Variants in CAMSAP1 observed in about 807,000 individuals in gnomAD.
The protein encoded by CAMSAP1 is calmodulin regulated spectrin associated protein 1, also known as calmodulin-regulated spectrin-associated protein 1.
Under a neutral mutation model 143.5 loss-of-function variants are expected in CAMSAP1, and 58 were observed. The observed-to-expected ratio is 0.40, with a 90% CI of 0.33 to 0.50. CAMSAP1 has a LOEUF of 0.50. Ranked by LOEUF, CAMSAP1 falls within the 20% of genes least tolerant of loss-of-function variation. CAMSAP1 has a pLI of 0.45. For missense variants in CAMSAP1, 1,969 were observed against 2,115.7 expected, an observed-to-expected ratio of 0.93 and a Z score of 1.36; for synonymous variants, 945 against 859.3, an observed-to-expected ratio of 1.10 and a Z score of -1.74.
chr9:135,878,847 G>A (rs1235007288), intron 3 of CAMSAP1, among the ~76,000 whole-genome samples: 1 of 152,080 alleles, frequency 6.6e-6, no homozygotes, highest in Non-Finnish European at 1.5e-5. Context: ...CTAACGTAAG[G>A]AACTTAAATT....
intron 5 of CAMSAP1, among the ~76,000 whole-genome samples, chr9:135,852,995 T>C (rs150447058): frequency 6.6e-6 from 1 of 152,186 alleles, no homozygotes; most frequent in African/African-American, 2.4e-5. Context: ...GAGAGTCTGA[T>C]GAGAAACGTA....
Position 135,824,454 on chromosome 9 carries a change from T to C in CAMSAP1, c.1315+335A>G, listed in dbSNP as rs1352782421. Among the ~76,000 whole-genome samples the C allele has an allele frequency of 3.9e-5, 6 of 152,154 alleles. No homozygotes were observed. Among genetic ancestry groups the C allele is most frequent in the Non-Finnish European group, 8.8e-5 (6 of 68,032 alleles). ...GGCCGAGGTGGGCAGATCATGAGGC[T>C]AGGAGATCGAGACCATCCTGGCCGA... On this transcript the variant is annotated intron_variant, in intron 9 of 16. Transcript: ENST00000389532. The surrounding 1 kb of genome is among the most constrained non-coding windows in gnomAD (Gnocchi z 4.1).
chr9:135,812,640 A>G (rs1359769585), intron 16 of CAMSAP1, among the ~76,000 whole-genome samples: 1 of 152,208 alleles, frequency 6.6e-6, no homozygotes, highest in Non-Finnish European at 1.5e-5. Context: ...TATAACTTAA[A>G]AGGGTGAATT....
chr9:135,872,559 T>C (rs73559477), intron 3 of CAMSAP1, among the ~76,000 whole-genome samples: 2,777 of 152,332 alleles, frequency 0.018, 92 homozygotes, highest in African/African-American at 0.064. Context: ...TTAAACACTC[T>C]AAGAGATTGT....
Position 135,821,629 on chromosome 9 carries a change from A to G in CAMSAP1, c.3032T>C (p.Val1011Ala). The G allele has an allele frequency of 1.2e-6, 2 of 1,613,932 alleles. No individual in the cohort carries two copies. The highest frequency in any genetic ancestry group is 1.7e-6 in the Non-Finnish European group (2 of 1,179,872). The change falls in exon 11 of 17, where the codon GTT becomes GCT. Residue 1011 changes from valine to alanine, a missense_variant. This residue lies in a region of CAMSAP1 where 1,390 missense variants were observed against 1,420.8 expected (regional missense o/e 0.98). Coordinates refer to ENST00000389532, the MANE Select transcript of CAMSAP1 (RefSeq NM_015447.4). The surrounding 1 kb of genome is among the most constrained non-coding windows in gnomAD (Gnocchi z 4.6). Reference sequence around the variant, plus strand: ...TTCATTCACGTCGACAACCTCCCCAACAGTGTCCTCCAGGAGGGCAGCGGA... The same window carrying G: ...TTCATTCACGTCGACAACCTCCCCAGCAGTGTCCTCCAGGAGGGCAGCGGA... ...VISAALLEDT[V>A]GEVVDVNECD...
intron 1 of CAMSAP1, among the ~76,000 whole-genome samples, chr9:135,897,064 C>T (rs1372962585): frequency 6.6e-6 from 1 of 152,142 alleles, no homozygotes; most frequent in Non-Finnish European, 1.5e-5. Context: ...GTACAGCAGT[C>T]CCCTCTTATC....
At chr9:135,851,678 A>C (rs576965575) in intron 5 of CAMSAP1, among the ~76,000 whole-genome samples, 2 of 152,314 alleles carry the variant, frequency 1.3e-5, no homozygotes, top group Admixed American at 6.5e-5. Context: ...TCATGGTATC[A>C]AGCTATGCCT....
At chr9:135,816,349 C>G (rs998603893) in intron 14 of CAMSAP1, among the ~76,000 whole-genome samples, 1 of 152,156 alleles carries the variant, frequency 6.6e-6, no homozygotes, top group Non-Finnish European at 1.5e-5. Context: ...CTCAGGAAGC[C>G]AGAGGATGAA....
Position 135,818,795 on chromosome 9 carries a change from G to A in CAMSAP1, c.3960-179C>T. On this transcript the variant is annotated intron_variant, in intron 12 of 16. Coordinates refer to ENST00000389532, the MANE Select transcript of CAMSAP1 (RefSeq NM_015447.4). This position sits in a 1 kb window ranked among gnomAD's most constrained non-coding sequence, Gnocchi z 7.7. ...AAGGCAGTCCTGCAGATGACCCACCGAGGCCACACAGCCTCCCTGGCCACC... is the reference window on the plus strand; with the variant it reads ...AAGGCAGTCCTGCAGATGACCCACCAAGGCCACACAGCCTCCCTGGCCACC... The A allele has an allele frequency of 9.4e-6, 10 of 1,062,776 alleles. No homozygotes were observed. The highest frequency in any genetic ancestry group is 1.3e-5 in the Non-Finnish European group (10 of 751,950). 65.8% of individuals were successfully genotyped at this position (1,062,776 alleles called of 1,614,324 possible). A position where few individuals can be genotyped will look rare whatever the true frequency, so the allele number is the denominator to read the frequency against.
Position 135,821,937 on chromosome 9 carries a change from C to T in CAMSAP1, c.2724G>A (p.Leu908=), listed in dbSNP as rs768384216. 2 of 1,612,920 alleles carry T rather than the reference C, an allele frequency of 1.2e-6. No homozygotes were observed. The highest frequency in any genetic ancestry group is 1.3e-5 in the African/African-American group (1 of 74,996). The change falls in exon 11 of 17, where the codon CTG becomes CTA. Residue 908 remains leucine (L), a synonymous_variant. Transcript: ENST00000389532. This position sits in a 1 kb window ranked among gnomAD's most constrained non-coding sequence, Gnocchi z 4.6. ...KMEALSARQR[L]KLGKAAFLHV... is the part of the protein sequence containing the mutation. ...GCAGGAATGCAGCCTTGCCGAGCTT[C>T]AGGCGCTGCCTTGCCGACAGCGCCT...
At chr9:135,850,680 G>C (rs565204071) in intron 5 of CAMSAP1, among the ~76,000 whole-genome samples, 1 of 152,278 alleles carries the variant, frequency 6.6e-6, no homozygotes, top group Admixed American at 6.5e-5. Flanking sequence ...ATTTGATGGT[G>C]AACATCCAGA....
intron 7 of CAMSAP1, among the ~76,000 whole-genome samples, chr9:135,840,080 T>C (rs1178669703): frequency 6.6e-6 from 1 of 152,180 alleles, no homozygotes; most frequent in Non-Finnish European, 1.5e-5. Flanking sequence ...GCAAGGTAAC[T>C]ACAATGGACC....
At chr9:135,861,324 T>G (rs796768973) in intron 5 of CAMSAP1, among the ~76,000 whole-genome samples, 2 of 130,034 alleles carry the variant, frequency 1.5e-5, no homozygotes, top group Non-Finnish European at 3.2e-5. Flanking sequence ...TTTTTTTTTT[T>G]CCCCCCGAGA....
At position 135,889,146 on chromosome 9, in the gene CAMSAP1, C is replaced by T. The variant is rs184280082; in HGVS notation, c.161-6068G>A. Among the ~76,000 whole-genome samples the T allele has an allele frequency of 2.0e-5, 3 of 152,360 alleles. No homozygotes were observed. The East Asian group carries it at 5.8e-4, about 29-fold the overall frequency. On this transcript the variant is annotated intron_variant, in intron 1 of 16. Coordinates refer to ENST00000389532, the MANE Select transcript of CAMSAP1 (RefSeq NM_015447.4). Reference sequence around the variant, plus strand: ...CAGCCACTCTGAGGGCCACAGCCCACAGCCCAGCCAGAGCGGCAGGACGAA... The same window carrying T: ...CAGCCACTCTGAGGGCCACAGCCCATAGCCCAGCCAGAGCGGCAGGACGAA...
intron 1 of CAMSAP1, among the ~76,000 whole-genome samples, chr9:135,891,867 A>G (rs1286387095): frequency 6.6e-6 from 1 of 152,224 alleles, no homozygotes; most frequent in East Asian, 1.9e-4. Flanking sequence ...AACTAGAACG[A>G]AAATTTCAGG....
rs558877691 is a variant in CAMSAP1 at position 135,821,881 on chromosome 9, G to A, written c.2780C>T (p.Ala927Val). 8.1e-6 allele frequency: 13 copies of A among 1,614,010 alleles called. No homozygotes were observed. The Admixed American group carries it at 1.0e-4, about 12-fold the overall frequency. ...AAAGTGCTCCGGCCTGAGGGGTGGG[G>A]CAGCCTCGGCCTTGCCCTTCTTCAC... The part of the protein sequence containing the change: ...HVVKKGKAEA[A>V]PPLRPEHFAK... The change falls in exon 11 of 17, where the codon GCC (alanine) becomes GTC (valine). Residue 927 changes from alanine to valine, a missense_variant. Physicochemically the swap from Ala to Val is moderately conservative, Grantham distance 64. Coordinates refer to ENST00000389532, the MANE Select transcript of CAMSAP1 (RefSeq NM_015447.4). The surrounding 1 kb of genome is among the most constrained non-coding windows in gnomAD (Gnocchi z 4.6).
chr9:135,885,187 G>A (rs915716366), intron 1 of CAMSAP1, among the ~76,000 whole-genome samples: 3 of 152,080 alleles, frequency 2.0e-5, no homozygotes, highest in African/African-American at 7.2e-5. Flanking sequence ...ATTGGAAGGG[G>A]CACTTCCTAT....
intron 1 of CAMSAP1, among the ~76,000 whole-genome samples, chr9:135,899,665 G>A (rs1209100370): frequency 2.0e-5 from 3 of 152,026 alleles, no homozygotes; most frequent in Non-Finnish European, 4.4e-5. Context: ...TTCCAACTCT[G>A]CAGCCACTAC....
chr9:135,902,532 G>A (rs545820427), intron 1 of CAMSAP1, among the ~76,000 whole-genome samples: 2 of 152,316 alleles, frequency 1.3e-5, no homozygotes, highest in Admixed American at 6.5e-5. Context: ...TTAACGAAAA[G>A]TCACTACAAG....
Sources: gnomAD v4.1 joint callset for allele counts (sites outside exome capture counted in the v4.1 genomes callset) on GRCh38, gnomAD v4.1.1 for gene constraint, gnomAD v4.1.1 regional missense constraint, Gnocchi (gnomAD v3.1) non-coding constraint, MANE v1.5 for transcripts, NCBI Gene and HGNC (gene_info 2026-07-23, HGNC 2026-07-21) for gene names.